FUT8: variants seen among roughly 807,000 people sequenced by gnomAD.
The protein encoded by FUT8 is alpha-(1,6)-fucosyltransferase.
In FUT8, 29 loss-of-function variants were observed where a neutral mutation model predicts 71.3. That is an observed-to-expected ratio of 0.41 (90% CI 0.30 to 0.55). The LOEUF is 0.55. Ranked by LOEUF, FUT8 falls within the 20% of genes least tolerant of loss-of-function variation. The probability of loss-of-function intolerance (pLI) is 0.34; values close to 1 mark genes in which losing one functional copy is unlikely to be tolerated. For missense variants in FUT8, 544 were observed against 702.1 expected (o/e 0.77, Z 2.55); for synonymous variants, 254 against 239.3 (o/e 1.06, Z -0.57).
intron 3 of FUT8, among the ~76,000 whole-genome samples, chr14:65,573,469 T>C (rs774464548): frequency 7.9e-5 from 12 of 151,950 alleles, no homozygotes; most frequent in Admixed American, 6.6e-5. Context: ...GAAAGTAAAA[T>C]TTTTTATAAA....
intron 2 of FUT8, among the ~76,000 whole-genome samples, chr14:65,477,430 CT>C (rs999335325): frequency 1.3e-5 from 2 of 152,110 alleles, no homozygotes; most frequent in Non-Finnish European, 2.9e-5. Context: ...TCAGGAGCAC[CT>C]TTTTGATTAG....
intron 3 of FUT8, among the ~76,000 whole-genome samples, chr14:65,589,117 T>G (rs904229520): frequency 6.6e-6 from 1 of 152,220 alleles, no homozygotes; most frequent in African/African-American, 2.4e-5. Flanking sequence ...TTTTTAGAAG[T>G]GTTTGCCAGG....
intron 5 of FUT8, among the ~76,000 whole-genome samples, chr14:65,624,079 A>G (rs928242599): frequency 6.6e-6 from 1 of 152,210 alleles, no homozygotes; most frequent in Non-Finnish European, 1.5e-5. Context: ...CTGCAGGATG[A>G]TAACTTTCAA....
intron 2 of FUT8, chr14:65,479,777 C>G (rs1275867207): frequency 1.3e-5 from 2 of 152,050 alleles, no homozygotes; most frequent in African/African-American, 4.8e-5. Flanking sequence ...GAATTGGTGT[C>G]CAGAAAGGTG....
chr14:65,560,214 G>A (rs1566822445), intron 2 of FUT8, among the ~76,000 whole-genome samples: 1 of 151,838 alleles, frequency 6.6e-6, no homozygotes, highest in African/African-American at 2.4e-5. Flanking sequence ...GTGGTCAAGT[G>A]CCCCTCACAT....
At chr14:65,498,172 G>C (rs979824990) in intron 2 of FUT8, among the ~76,000 whole-genome samples, 1 of 152,000 alleles carries the variant, frequency 6.6e-6, no homozygotes, top group African/African-American at 2.4e-5. Flanking sequence ...TGCCTTCCTG[G>C]GAAGTCTCAC....
At chr14:65,458,189 A>AAC (rs1172506672) in intron 2 of FUT8, 4 of 150,392 alleles carry the variant, frequency 2.7e-5, no homozygotes, top group Non-Finnish European at 5.9e-5. Flanking sequence ...CTCAAAAAAA[A>AAC]AAAAAACAAA....
chr14:65,699,392 A>C (rs962420924), intron 7 of FUT8, among the ~76,000 whole-genome samples: 4 of 152,158 alleles, frequency 2.6e-5, no homozygotes, highest in African/African-American at 7.2e-5. Flanking sequence ...CTTGCCCCAT[A>C]GGATTGTTCT....
intron 6 of FUT8, among the ~76,000 whole-genome samples, chr14:65,655,336 C>T (rs1296485672): frequency 6.6e-6 from 1 of 151,646 alleles, no homozygotes; most frequent in African/African-American, 2.4e-5. Flanking sequence ...AATTAGCTGG[C>T]ATGGTGGTGG....
intron 2 of FUT8, among the ~76,000 whole-genome samples, chr14:65,525,959 C>A (rs1486883517): frequency 6.6e-6 from 1 of 151,994 alleles, no homozygotes; most frequent in Non-Finnish European, 1.5e-5. Context: ...TTTTACATTT[C>A]CTGAGGTGTG....
At chr14:65,512,076 T>TG (rs1215803083) in intron 2 of FUT8, among the ~76,000 whole-genome samples, 3 of 152,262 alleles carry the variant, frequency 2.0e-5, no homozygotes, top group African/African-American at 7.2e-5. Context: ...TACAGCATGT[T>TG]ACTGTACTGA....
the FUT8 span, among the ~76,000 whole-genome samples, chr14:65,366,121 A>G: frequency 1.2e-4 from 19 of 152,218 alleles, no homozygotes; most frequent in African/African-American, 4.3e-4. Flanking sequence ...CTTTCCTGTA[A>G]CAGTATGTGT....
chr14:65,466,114 G>A (rs1443509342), intron 2 of FUT8, among the ~76,000 whole-genome samples: 1 of 152,010 alleles, frequency 6.6e-6, no homozygotes, highest in East Asian at 1.9e-4. Context: ...TTTTGATTAG[G>A]TTTAGCATAG....
chr14:65,386,746 A>T, the FUT8 span, among the ~76,000 whole-genome samples: 1 of 146,434 alleles, frequency 6.8e-6, no homozygotes, highest in Non-Finnish European at 1.5e-5. Flanking sequence ...CTGATTCTTT[A>T]TATGCCTGGT....
the FUT8 span, among the ~76,000 whole-genome samples, chr14:65,359,144 C>G: frequency 6.6e-6 from 1 of 151,992 alleles, no homozygotes; most frequent in Non-Finnish European, 1.5e-5. Context: ...ATCTGTTTTA[C>G]TTTTGGGGTT....
chr14:65,714,897 A>G (rs1894977949), intron 7 of FUT8, among the ~76,000 whole-genome samples: 1 of 152,224 alleles, frequency 6.6e-6, no homozygotes, highest in Non-Finnish European at 1.5e-5. Flanking sequence ...CACTGTTGAC[A>G]TATAGAAATG....
At chr14:65,426,328 G>GT (rs1334950112) in intron 1 of FUT8, among the ~76,000 whole-genome samples, 4,535 of 133,844 alleles carry the variant, frequency 0.034, 139 homozygotes, top group African/African-American at 0.084. Context: ...CCTTTTTAAA[G>GT]TTTTTTTTTT....
At chr14:65,367,267 G>A in the FUT8 span, among the ~76,000 whole-genome samples, 2 of 152,114 alleles carry the variant, frequency 1.3e-5, no homozygotes, top group Non-Finnish European at 2.9e-5. Flanking sequence ...ATAAGAAAGT[G>A]GCATCTCATT....
chr14:65,742,286 A>G lies in FUT8; in HGVS notation c.1604A>G (p.His535Arg), dbSNP rs1896542343. 1 of 1,612,964 alleles carries G rather than the reference A, an allele frequency of 6.2e-7. No individual in the cohort carries two copies. The highest frequency in any genetic ancestry group is 8.5e-7 in the Non-Finnish European group (1 of 1,179,356). ...GATATCATTGGTGTGGCTGGAAATC[A>G]TTGGGATGGCTATTCTAAAGGTGTC... The part of the protein sequence containing the change: ...PGDIIGVAGN[H>R]WDGYSKGVNR... Residue 535 changes from histidine to arginine, a missense_variant, in exon 11 of 11, where the codon CAT becomes CGT. Physicochemically the swap from His to Arg is conservative, Grantham distance 29. Coordinates refer to ENST00000673929, the MANE Select transcript of FUT8 (RefSeq NM_001371533.1).
Sources: gnomAD v4.1 joint callset for allele counts (sites outside exome capture counted in the v4.1 genomes callset) on GRCh38, gnomAD v4.1.1 for gene constraint, MANE v1.5 for transcripts, NCBI Gene and HGNC (gene_info 2026-07-23, HGNC 2026-07-21) for gene names.